Variants in PCDHGA3 observed in about 807,000 individuals in gnomAD.
PCDHGA3 encodes the protein protocadherin gamma-A3.
Under a neutral mutation model 58.5 loss-of-function variants are expected in PCDHGA3, and 40 were observed. The ratio of observed to expected loss-of-function variants is 0.68; its 90% CI spans 0.53 to 0.89. The LOEUF is 0.89. Ranked by LOEUF, PCDHGA3 falls within the 40% of genes least tolerant of loss-of-function variation. PCDHGA3 has a pLI of 0.00. For synonymous variants in PCDHGA3, 530 were observed against 525.7 expected (o/e 1.01, Z -0.11); for missense variants, 1,223 against 1,195.9 (o/e 1.02, Z -0.33).
chr5:141,444,722 C>T (rs72790051), intron 1 of PCDHGA3, among the ~76,000 whole-genome samples: 3,290 of 152,024 alleles, frequency 0.022, 51 homozygotes, highest in South Asian at 0.038. Flanking sequence ...TGCTTGGTGC[C>T]TTTGTTGAAA....
At chr5:141,495,910 A>C (rs2154591812) in intron 2 of PCDHGA3, among the ~76,000 whole-genome samples, 1 of 151,278 alleles carries the variant, frequency 6.6e-6, no homozygotes, top group East Asian at 1.9e-4. Flanking sequence ...GTCTCTGTAT[A>C]TCTTTCTTTG....
Position 141,486,904 on chromosome 5 carries a change from C to G in PCDHGA3, c.2425-7903C>G. On this transcript the variant is annotated intron_variant, in intron 1 of 3. Transcript: ENST00000253812. This position sits in a 1 kb window ranked among gnomAD's most constrained non-coding sequence, Gnocchi z 5.0. The stretch of plus-strand genomic sequence containing the variant: ...GGGCCCGGCCTGGTTCCTTATGTCC[C>G]CAAGCACTGCCTCCATCAGTTGGTG... 6.2e-7 allele frequency: 1 copy of G among 1,614,226 alleles called. No individual in the cohort carries two copies. The highest frequency in any genetic ancestry group is 1.1e-5 in the South Asian group (1 of 91,080).
Position 141,344,438 on chromosome 5 carries a change from A to G in PCDHGA3, c.405A>G (p.Thr135=). ...ATGATAATGCTCCTAATTTCCCAAC[A>G]GAGGAATTGGAAATAAAAATTGGTG... ...DINDNAPNFP[T]EELEIKIGEL... The change falls in exon 1 of 4, where the codon ACA becomes ACG. Residue 135 remains threonine (T), a synonymous_variant. Coordinates refer to ENST00000253812, the MANE Select transcript of PCDHGA3 (RefSeq NM_018916.4). 6.2e-7 allele frequency: 1 copy of G among 1,613,630 alleles called. No individual in the cohort carries two copies.
In PCDHGA3 at chr5:141,432,296, G is replaced by A. The variant is rs895669878; in HGVS notation, c.2425-62511G>A. The A allele has an allele frequency of 2.5e-6, 4 of 1,614,106 alleles. No homozygotes were observed. The highest frequency in any genetic ancestry group is 1.1e-5 in the South Asian group (1 of 91,082). The stretch of plus-strand genomic sequence containing the variant: ...CGTGTCCATCAACTCCGACACTGGG[G>A]TACTGTATGCGCTGAGCTCCTTCGA... On this transcript the variant is annotated intron_variant, in intron 1 of 3. Transcript: ENST00000253812. The surrounding 1 kb of genome is among the most constrained non-coding windows in gnomAD (Gnocchi z 6.0).
intron 1 of PCDHGA3, chr5:141,394,008 G>A: frequency 1.2e-6 from 2 of 1,613,330 alleles, no homozygotes; most frequent in South Asian, 2.2e-5. Context: ...AAAGTCAATA[G>A]GTAATTATTA....
chr5:141,389,741 G>T (rs537380299), intron 1 of PCDHGA3: 31 of 1,612,676 alleles, frequency 1.9e-5, no homozygotes, highest in Admixed American at 6.7e-5. Context: ...GCCTGGGGCT[G>T]CGCACGGGCG....
At chr5:141,458,172 T>A (rs1023447659) in intron 1 of PCDHGA3, among the ~76,000 whole-genome samples, 2 of 152,216 alleles carry the variant, frequency 1.3e-5, no homozygotes, top group African/African-American at 4.8e-5. Flanking sequence ...CACAGTAGTA[T>A]ACCTTACTTG....
intron 2 of PCDHGA3, among the ~76,000 whole-genome samples, chr5:141,505,177 A>T (rs917485235): frequency 6.6e-6 from 1 of 152,180 alleles, no homozygotes. Context: ...AAAAGAAAAA[A>T]GCATCGGAGG....
chr5:141,345,405 T>C lies in PCDHGA3; in HGVS notation c.1372T>C (p.Ser458Pro). The change falls in exon 1 of 4, where the codon TCC becomes CCC. Residue 458 changes from serine (S) to proline (P), a missense_variant. Transcript: ENST00000253812. The part of the protein sequence containing the change: ...NPPTFPHLSY[S>P]AYIPENNPRG... ...ACCCACCTTCCCTCATTTATCCTAC[T>C]CCGCCTACATTCCAGAAAACAACCC... 6.2e-7 allele frequency: 1 copy of C among 1,613,986 alleles called. No homozygotes were observed.
At chr5:141,510,849 G>C (rs959784028) in intron 3 of PCDHGA3, 98 bp from the exon 4 acceptor site, 10 of 1,596,568 alleles carry the variant, frequency 6.3e-6, no homozygotes, top group Middle Eastern at 1.7e-4. Flanking sequence ...CAAGGCCCAG[G>C]GTGCTGTATA....
intron 1 of PCDHGA3, among the ~76,000 whole-genome samples, chr5:141,354,688 A>T (rs1249702605): frequency 6.6e-6 from 1 of 152,196 alleles, no homozygotes; most frequent in Non-Finnish European, 1.5e-5. Flanking sequence ...TATGTCCCTC[A>T]CACAATACGC....
At chr5:141,500,145 T>C (rs2099796736) in intron 2 of PCDHGA3, among the ~76,000 whole-genome samples, 2 of 151,992 alleles carry the variant, frequency 1.3e-5, no homozygotes, top group East Asian at 3.9e-4. Context: ...TAAACTTTTC[T>C]TTGTGTAATC....
intron 1 of PCDHGA3, among the ~76,000 whole-genome samples, chr5:141,429,386 T>TA (rs1561841076): frequency 9.9e-5 from 15 of 151,936 alleles, no homozygotes; most frequent in South Asian, 8.3e-4. Flanking sequence ...TGTTTTTTTT[T>TA]TAAAAAAAAT....
chr5:141,490,180 C>T lies in PCDHGA3; in HGVS notation c.2425-4627C>T, dbSNP rs747366205. On this transcript the variant is annotated intron_variant, in intron 1 of 3. Coordinates refer to ENST00000253812, the MANE Select transcript of PCDHGA3 (RefSeq NM_018916.4). This position sits in a 1 kb window ranked among gnomAD's most constrained non-coding sequence, Gnocchi z 5.4. ...GGGTCCCATAGACTTTGAGGAGTCACGTTTCTATGAAATTCATGCAAGAGC... is the reference window on the plus strand; with the variant it reads ...GGGTCCCATAGACTTTGAGGAGTCATGTTTCTATGAAATTCATGCAAGAGC... 3 of 1,614,208 alleles carry T rather than the reference C, an allele frequency of 1.9e-6. No individual in the cohort carries two copies. Among genetic ancestry groups the T allele is most frequent in the East Asian group, 2.2e-5 (1 of 44,882 alleles).
intron 1 of PCDHGA3, chr5:141,378,833 C>T (rs1224132304): frequency 6.6e-6 from 1 of 152,128 alleles, no homozygotes; most frequent in East Asian, 1.9e-4. Context: ...GAACAGAAAA[C>T]AGCAGAGTTT....
chr5:141,415,452 C>T, intron 1 of PCDHGA3: 1 of 1,614,240 alleles, frequency 6.2e-7, no homozygotes, highest in South Asian at 1.1e-5. Flanking sequence ...CCTATTCCCA[C>T]GAGGTCTCTC....
intron 1 of PCDHGA3, chr5:141,372,005 G>C (rs1768294094): frequency 1.2e-6 from 2 of 1,613,304 alleles, no homozygotes; most frequent in East Asian, 2.2e-5. Flanking sequence ...CCCGCGACCA[G>C]GGCTCGCCTA....
intron 1 of PCDHGA3, chr5:141,413,170 A>T (rs751830095): frequency 6.3e-7 from 1 of 1,595,602 alleles, no homozygotes; most frequent in South Asian, 1.1e-5. Context: ...CTGTAACCAG[A>T]CTACAATGGC....
chr5:141,457,428 C>G (rs72790053), intron 1 of PCDHGA3, among the ~76,000 whole-genome samples: 1,866 of 152,262 alleles, frequency 0.012, 18 homozygotes, highest in Non-Finnish European at 0.017. Context: ...TTTTTCCCCC[C>G]CACCAAGCTG....
Sources: gnomAD v4.1 joint callset for allele counts (sites outside exome capture counted in the v4.1 genomes callset) on GRCh38, gnomAD v4.1.1 for gene constraint, Gnocchi (gnomAD v3.1) non-coding constraint, MANE v1.5 for transcripts, NCBI Gene and HGNC (gene_info 2026-07-23, HGNC 2026-07-21) for gene names.